Variants in ASNS observed in about 807,000 individuals in gnomAD.
The protein encoded by ASNS is asparagine synthetase [glutamine-hydrolyzing].
Under a neutral mutation model 62.6 loss-of-function variants are expected in ASNS, and 37 were observed. That is an observed-to-expected ratio of 0.59 (90% CI 0.45 to 0.78). The LOEUF is 0.78. ASNS is among the 30% of genes least tolerant of loss of function. The pLI is 0.00. For synonymous variants in ASNS, 207 were observed against 237.9 expected (o/e 0.87, Z 1.19); for missense variants, 520 against 682.4 (o/e 0.76, Z 2.65).
At chr7:97,882,927 C>G in the ASNS span, among the ~76,000 whole-genome samples, 1 of 152,198 alleles carries the variant, frequency 6.6e-6, no homozygotes, top group Admixed American at 6.5e-5. Context: ...GGGAAAACAA[C>G]AGAGGCACTC....
At chr7:97,908,069 C>T in the ASNS span, among the ~76,000 whole-genome samples, 1 of 152,152 alleles carries the variant, frequency 6.6e-6, no homozygotes, top group Admixed American at 6.5e-5. Flanking sequence ...AGAAGGTGGT[C>T]AACCTTAACA....
chr7:97,910,267 G>A, the ASNS span, among the ~76,000 whole-genome samples: 1 of 152,162 alleles, frequency 6.6e-6, no homozygotes, highest in Admixed American at 6.5e-5. Context: ...TATTTAATAA[G>A]CACCCACACA....
the ASNS span, among the ~76,000 whole-genome samples, chr7:97,916,439 T>C: frequency 6.6e-6 from 1 of 152,094 alleles, no homozygotes; most frequent in African/African-American, 2.4e-5. Context: ...GAGAAAAGGT[T>C]TTCTTCCAAA....
chr7:97,853,482 T>C, intron 10 of ASNS, 96 bp from the exon 11 acceptor site: 1 of 993,084 alleles, frequency 1.0e-6, no homozygotes, highest in Non-Finnish European at 1.5e-6. Context: ...CAACCAGATC[T>C]TAAGAAATGT....
At chr7:97,876,271 T>C (rs1206364313), upstream of ASNS, among the ~76,000 whole-genome samples, 1 of 152,234 alleles carries the variant, frequency 6.6e-6, no homozygotes, top group East Asian at 1.9e-4. Flanking sequence ...CCTGTGCTGC[T>C]TCTACAGCTC....
At chr7:97,859,101 CAAA>C (rs2115656960) in intron 5 of ASNS, 109 bp downstream of exon 5, 3 of 1,445,588 alleles carry the variant, frequency 2.1e-6, no homozygotes, top group East Asian at 2.3e-5. Context: ...TCCCTCCAAA[CAAA>C]ATAGGAAGTA....
At position 97,853,181 on chromosome 7, in the gene ASNS, A is replaced by C; in HGVS notation, c.1355T>G (p.Phe452Cys). Residue 452 changes from phenylalanine (F) to cysteine (C), a missense_variant, in exon 12 of 13, where the codon TTT (phenylalanine) becomes TGT (cysteine). Physicochemically the swap from Phe to Cys is radical, Grantham distance 205 (BLOSUM62 -2). Coordinates refer to ENST00000394308, the MANE Select transcript of ASNS (RefSeq NM_001673.5). ...TTTGGGTATCAGATTGGAATCCTCAAACGTCTCTCTCAGGAGATGTTTTTC... is the reference window on the plus strand; with the variant it reads ...TTTGGGTATCAGATTGGAATCCTCACACGTCTCTCTCAGGAGATGTTTTTC... ...GIEKHLLRET[F>C]EDSNLIPKEI... 6.2e-7 allele frequency: 1 copy of C among 1,610,370 alleles called. No individual in the cohort carries two copies. The highest frequency in any genetic ancestry group is 8.5e-7 in the Non-Finnish European group (1 of 1,178,556).
chr7:97,854,546 G>A (rs763877387), intron 10 of ASNS, 34 bp downstream of exon 10: 2 of 1,584,378 alleles, frequency 1.3e-6, no homozygotes, highest in South Asian at 2.4e-5. Context: ...GTGTTTTTTT[G>A]TTTTTGTTTT....
chr7:97,872,569 A>C (rs1157200735), upstream of ASNS: 2 of 152,344 alleles, frequency 1.3e-5, no homozygotes, highest in Non-Finnish European at 2.9e-5. Flanking sequence ...GGGCGCAAGG[A>C]GGAGCTCTTT....
At chr7:97,872,319 G>GCGCAGGGCGCGGGT (rs1403084902) in intron 1 of ASNS, 32 bp downstream of exon 1, 2 of 153,544 alleles carry the variant, frequency 1.3e-5, no homozygotes, top group Non-Finnish European at 2.9e-5. Context: ...CTGGCGCGGG[G>GCGCAGGGCGCGGGT]CGCAGGGCAC....
At chr7:97,884,707 C>A in the ASNS span, among the ~76,000 whole-genome samples, 1 of 152,100 alleles carries the variant, frequency 6.6e-6, no homozygotes, top group Admixed American at 6.5e-5. Context: ...GAAGATTTTA[C>A]TTTTTTAATA....
At chr7:97,875,386 G>C (rs3998611), upstream of ASNS, among the ~76,000 whole-genome samples, 1 of 152,064 alleles carries the variant, frequency 6.6e-6, no homozygotes, top group South Asian at 2.1e-4. Flanking sequence ...TGATCCACCC[G>C]CCTTGGCCTC....
intron 12 of ASNS, 66 bp downstream of exon 12, chr7:97,852,994 G>T (rs1791255795): frequency 7.0e-7 from 1 of 1,421,188 alleles, no homozygotes; most frequent in Non-Finnish European, 9.4e-7. Flanking sequence ...AATACAAAAT[G>T]AACAGCAATG....
Position 97,869,770 on chromosome 7 carries a change from T to C in ASNS, c.-24+8A>G, listed in dbSNP as rs3735557. 0.44 allele frequency: 66,555 copies of C among 152,140 alleles called. 14,672 individuals are homozygous for C. Among genetic ancestry groups the C allele is most frequent in the East Asian group, 0.55 (2,831 of 5,160 alleles). 9.4% of individuals were successfully genotyped at this position (152,140 alleles called of 1,614,324 possible). On this transcript the variant is annotated splice_region_variant and intron_variant, in intron 2 of 12. Transcript: ENST00000394308. ...TTCAAGCATTTCACTATATTACATCTAGGTTACCTTCAAGTGATTTATTCA... is the reference window on the plus strand; with the variant it reads ...TTCAAGCATTTCACTATATTACATCCAGGTTACCTTCAAGTGATTTATTCA...
chr7:97,903,884 G>A, the ASNS span, among the ~76,000 whole-genome samples: 33 of 152,008 alleles, frequency 2.2e-4, no homozygotes, highest in Non-Finnish European at 4.3e-4. Flanking sequence ...AGCATTGGTC[G>A]TGTTTTAATA....
Position 97,870,354 on chromosome 7 carries a change from A to T in ASNS, c.-59-541T>A, listed in dbSNP as rs191751167. 2.3e-3 allele frequency: 825 copies of T among 358,364 alleles called. 7 individuals are homozygous for T. The highest frequency in any genetic ancestry group is 0.016 in the African/African-American group (730 of 46,602). The allele number at this position is 358,364 out of a possible 1,614,324, so 22.2% of individuals were successfully genotyped here. On this transcript the variant is annotated intron_variant, in intron 1 of 12. Transcript: ENST00000394308. ...AAATAACTATTTTGGTGTTTTTTTT[A>T]AAAAAACTGCGAATTGCAGCAAATG...
chr7:97,868,014 C>G (rs1792056848), intron 3 of ASNS, among the ~76,000 whole-genome samples: 1 of 152,178 alleles, frequency 6.6e-6, no homozygotes, highest in Non-Finnish European at 1.5e-5. Flanking sequence ...TGAATGAAAT[C>G]TGGCTCAAAA....
chr7:97,921,488 C>A, the ASNS span, among the ~76,000 whole-genome samples: 1 of 152,174 alleles, frequency 6.6e-6, no homozygotes, highest in Admixed American at 6.5e-5. Flanking sequence ...GGCGTGTGGG[C>A]TACAGCCTGC....
At chr7:97,886,140 T>C in the ASNS span, 19 of 338,416 alleles carry the variant, frequency 5.6e-5, no homozygotes, top group Non-Finnish European at 8.5e-5. Context: ...GTGTTTTTTT[T>C]GTTTGTAATG....
Sources: allele counts gnomAD v4.1 joint callset (sites outside exome capture counted in the v4.1 genomes callset), GRCh38; gene constraint gnomAD v4.1.1; transcripts MANE v1.5; gene names NCBI Gene and HGNC (gene_info 2026-07-23, HGNC 2026-07-21).